Variants in ERMARD observed in about 807,000 individuals in gnomAD.
ERMARD encodes the protein ER membrane associated RNA degradation.
In ERMARD, 71 loss-of-function variants were observed where a neutral mutation model predicts 83.9. The observed-to-expected ratio is 0.85, with a 90% CI of 0.70 to 1.03. The LOEUF (loss-of-function observed/expected upper bound fraction) is 1.03. Among genes scored for constraint, ERMARD ranks in the 50% least tolerant of loss-of-function variants. The probability of loss-of-function intolerance (pLI) is 0.00; values close to 1 mark genes in which losing one functional copy is unlikely to be tolerated. For missense variants in ERMARD, 838 were observed against 810.9 expected, an observed-to-expected ratio of 1.03 and a Z score of -0.41; for synonymous variants, 284 against 298.6, an observed-to-expected ratio of 0.95 and a Z score of 0.50.
chr6:169,775,482 G>A, intron 14 of ERMARD, 136 bp downstream of exon 14: 2 of 924,104 alleles, frequency 2.2e-6, no homozygotes, highest in Non-Finnish European at 3.3e-6. Context: ...GCTGATGCAG[G>A]CTGTGGGGAG....
intron 13 of ERMARD, among the ~76,000 whole-genome samples, chr6:169,774,625 G>A (rs1017767735): frequency 3.9e-5 from 6 of 152,178 alleles, no homozygotes; most frequent in African/African-American, 1.2e-4. Flanking sequence ...CTGGGCTTCC[G>A]TTATTCCTGC....
At chr6:169,756,976 C>T (rs1054122385) in intron 5 of ERMARD, among the ~76,000 whole-genome samples, 168 bp downstream of exon 5, 5 of 152,062 alleles carry the variant, frequency 3.3e-5, no homozygotes, top group East Asian at 1.9e-4. Flanking sequence ...TCTAACAGGG[C>T]GGCAGCAAGG....
intron 2 of ERMARD, among the ~76,000 whole-genome samples, chr6:169,754,978 A>G (rs755866127): frequency 9.9e-5 from 15 of 152,190 alleles, no homozygotes; most frequent in East Asian, 1.9e-4. Context: ...TACATATACA[A>G]TGTGAGCCTG....
intron 8 of ERMARD, among the ~76,000 whole-genome samples, chr6:169,761,472 A>G (rs1791542211): frequency 6.6e-6 from 1 of 152,160 alleles, no homozygotes; most frequent in African/African-American, 2.4e-5. Context: ...CTCCTGACTC[A>G]GCCTCCCGAA....
intron 16 of ERMARD, 26 bp downstream of exon 16, chr6:169,776,699 AG>A (rs771841101): frequency 5.2e-5 from 84 of 1,610,678 alleles, no homozygotes; most frequent in Non-Finnish European, 7.0e-5. Context: ...CCTGTTTTGG[AG>A]GGGCACTGTG....
chr6:169,780,682 T>C lies in ERMARD; in HGVS notation c.1854-648T>C, dbSNP rs532312467. On this transcript the variant is annotated intron_variant, in intron 17 of 17. Transcript: ENST00000366773. ...AGGCTCCTGACGGGGCTAAAAGGACTGGCCTGCTTGTCATTGCAGCCGAAC... is the reference window on the plus strand; with the variant it reads ...AGGCTCCTGACGGGGCTAAAAGGACCGGCCTGCTTGTCATTGCAGCCGAAC... Among the ~76,000 whole-genome samples, 6 of 152,350 alleles carry C rather than the reference T, an allele frequency of 3.9e-5. No individual in the cohort carries two copies. In the East Asian group the frequency reaches 5.8e-4, roughly 15 times the overall value.
rs1304348951 is a variant in ERMARD at position 169,769,608 on chromosome 6, G to T, written c.1128G>T (p.Glu376Asp). ...TAAGAGATCATTTAAGCCACGGGGA[G>T]ATCAACTTACATGAATTTTCAAAAG... Reference protein sequence around the residue: ...PRIRDHLSHGEINLHEFSKET... With the variant: ...PRIRDHLSHGDINLHEFSKET... The change falls in exon 12 of 18, where the codon GAG becomes GAT. Residue 376 changes from glutamate to aspartate, a missense_variant. By Grantham distance (45) the Glu-to-Asp change is conservative. Coordinates refer to ENST00000366773, the MANE Select transcript of ERMARD (RefSeq NM_018341.3). 1.2e-6 allele frequency: 2 copies of T among 1,613,240 alleles called. No homozygotes were observed. The highest frequency in any genetic ancestry group is 1.3e-5 in the African/African-American group (1 of 74,900).
At chr6:169,762,682 G>T in intron 9 of ERMARD, 151 bp downstream of exon 9, 5 of 613,572 alleles carry the variant, frequency 8.1e-6, no homozygotes, top group South Asian at 4.3e-5. Flanking sequence ...ATTTCTATAG[G>T]ATTTATATTT....
At position 169,776,026 on chromosome 6, in the gene ERMARD, G is replaced by A. The variant is rs202050991; in HGVS notation, c.1481G>A (p.Arg494His). ...DELYHHMPEN[R>H]CVLKDLDRLP... ...CTGTATCACCATATGCCTGAGAATC[G>A]TTGTGTGTTAAAGGACTTGGATCGT... The change falls in exon 15 of 18, where the codon CGT (arginine) becomes CAT (histidine). Residue 494 changes from arginine (R) to histidine (H), a missense_variant. Coordinates refer to ENST00000366773, the MANE Select transcript of ERMARD (RefSeq NM_018341.3). 35 of 1,614,162 alleles carry A rather than the reference G, an allele frequency of 2.2e-5. No homozygotes were observed. Among genetic ancestry groups the A allele is most frequent in the African/African-American group, 2.1e-4 (16 of 75,050 alleles).
intron 12 of ERMARD, chr6:169,772,047 C>T (rs1792986855): frequency 6.6e-6 from 1 of 152,224 alleles, no homozygotes; most frequent in Non-Finnish European, 1.5e-5. Flanking sequence ...GAAATATGTT[C>T]CACATCTGCT....
At chr6:169,766,592 G>T in intron 9 of ERMARD, 46 bp from the exon 10 acceptor site, 1 of 1,503,562 alleles carries the variant, frequency 6.7e-7, no homozygotes, top group Non-Finnish European at 9.0e-7. Flanking sequence ...TAGTGTATTT[G>T]TATTTTGCTT....
At chr6:169,760,848 G>A (rs1270759282) in intron 8 of ERMARD, 92 bp downstream of exon 8, 4 of 885,024 alleles carry the variant, frequency 4.5e-6, no homozygotes, top group South Asian at 3.5e-5. Flanking sequence ...TGCTGTTGGA[G>A]TAGAAGTGAA....
chr6:169,772,817 A>G (rs1449961632), intron 12 of ERMARD, among the ~76,000 whole-genome samples: 2 of 150,354 alleles, frequency 1.3e-5, no homozygotes, highest in African/African-American at 4.9e-5. Context: ...CAGATTTTTT[A>G]ATTTGTCAGC....
intron 13 of ERMARD, among the ~76,000 whole-genome samples, chr6:169,774,871 C>T (rs1020430180): frequency 2.0e-5 from 3 of 152,190 alleles, no homozygotes; most frequent in Admixed American, 6.5e-5. Context: ...TGCTGCACCT[C>T]GAGTGCGGCC....
At chr6:169,765,276 C>A (rs1792060351) in intron 9 of ERMARD, among the ~76,000 whole-genome samples, 2 of 152,200 alleles carry the variant, frequency 1.3e-5, no homozygotes, top group South Asian at 4.1e-4. Flanking sequence ...ATATTATTAG[C>A]ACAGGCTTTC....
upstream of ERMARD, chr6:169,751,427 C>T: frequency 6.2e-7 from 1 of 1,614,146 alleles, no homozygotes; most frequent in Non-Finnish European, 8.5e-7. Context: ...CTGGATGGGG[C>T]TCGACTTCAC....
chr6:169,751,605 G>A (rs1159838433), upstream of ERMARD: 4 of 1,586,582 alleles, frequency 2.5e-6, no homozygotes, highest in Non-Finnish European at 2.6e-6. Context: ...CTGGAGGAGG[G>A]GCGCGCAGGC....
chr6:169,773,431 G>A lies in ERMARD; in HGVS notation c.1317+29G>A, dbSNP rs529538730. 4 of 1,607,162 alleles carry A rather than the reference G, an allele frequency of 2.5e-6. No individual in the cohort carries two copies. In the African/African-American group the frequency reaches 5.3e-5, roughly 21 times the overall value. ...TGCCAAATGCAGGGTCCCGGGAGGG[G>A]CGTGTATGTCTCTGAAACCACCTGT... On this transcript the variant is annotated intron_variant, in intron 13 of 17. Transcript: ENST00000366773.
At chr6:169,751,784 C>A in intron 1 of ERMARD, 121 bp downstream of exon 1, 5 of 1,363,454 alleles carry the variant, frequency 3.7e-6, no homozygotes, top group Non-Finnish European at 4.8e-6. Context: ...CCGGCGGTCC[C>A]GCGCTGGAGG....
Sources: allele counts gnomAD v4.1 joint callset (sites outside exome capture counted in the v4.1 genomes callset), GRCh38; gene constraint gnomAD v4.1.1; transcripts MANE v1.5; gene names NCBI Gene and HGNC (gene_info 2026-07-23, HGNC 2026-07-21).